Variants in PTPRD observed in about 807,000 individuals in gnomAD.
The protein encoded by PTPRD is receptor-type tyrosine-protein phosphatase delta.
Under a neutral mutation model 214.5 loss-of-function variants are expected in PTPRD, and 34 were observed. That is an observed-to-expected ratio of 0.16 (90% CI 0.12 to 0.21). The LOEUF (loss-of-function observed/expected upper bound fraction) is 0.21. Ranked by LOEUF, PTPRD falls within the 10% of genes least tolerant of loss-of-function variation. The pLI is 1.00. For synonymous variants in PTPRD, 1,128 were observed against 845.7 expected (o/e 1.33, Z -5.79); for missense variants, 2,545 against 2,398.7 (o/e 1.06, Z -1.27).
At chr9:9,978,703 A>G (rs1195866909) in intron 4 of PTPRD, among the ~76,000 whole-genome samples, 2 of 151,668 alleles carry the variant, frequency 1.3e-5, no homozygotes, top group Non-Finnish European at 2.9e-5. Flanking sequence ...AGAATTTTAG[A>G]AAATTAAGGA....
At chr9:9,018,264 T>C (rs2099544688) in intron 11 of PTPRD, among the ~76,000 whole-genome samples, 2 of 152,086 alleles carry the variant, frequency 1.3e-5, no homozygotes, top group African/African-American at 4.8e-5. Context: ...AGGTGGAGTT[T>C]GGGGAAATGA....
intron 40 of PTPRD, 72 bp from the exon 41 acceptor site, chr9:8,341,340 T>C: frequency 7.0e-7 from 1 of 1,434,390 alleles, no homozygotes; most frequent in Non-Finnish European, 9.4e-7. Context: ...GAATGCAGTG[T>C]ACCCCAGATT....
chr9:9,250,268 T>C (rs562842801), intron 9 of PTPRD, among the ~76,000 whole-genome samples: 24 of 152,110 alleles, frequency 1.6e-4, no homozygotes, highest in Non-Finnish European at 2.8e-4. Flanking sequence ...ACCTATGATG[T>C]ACCAGTACTG....
chr9:10,320,160 G>T (rs1010785000), intron 3 of PTPRD, among the ~76,000 whole-genome samples: 4 of 151,848 alleles, frequency 2.6e-5, no homozygotes, highest in Non-Finnish European at 5.9e-5. Context: ...TTTAACAAGG[G>T]ATGTCTAAAC....
intron 11 of PTPRD, chr9:8,936,018 T>C (rs948098143): frequency 2.6e-5 from 4 of 152,186 alleles, no homozygotes; most frequent in Non-Finnish European, 5.9e-5. Flanking sequence ...TGACATTTTT[T>C]CCATCAACCT....
intron 5 of PTPRD, among the ~76,000 whole-genome samples, chr9:9,824,443 C>A (rs1016930568): frequency 6.6e-6 from 1 of 151,950 alleles, no homozygotes; most frequent in Admixed American, 6.6e-5. Context: ...CTACAATTTG[C>A]TTAATGCTTT....
At chr9:9,841,299 C>G (rs2058277263) in intron 5 of PTPRD, among the ~76,000 whole-genome samples, 1 of 152,002 alleles carries the variant, frequency 6.6e-6, no homozygotes, top group Non-Finnish European at 1.5e-5. Context: ...GTGTAATGGG[C>G]TGATGAATCA....
At chr9:8,588,026 T>A (rs2093805696) in intron 14 of PTPRD, among the ~76,000 whole-genome samples, 1 of 152,192 alleles carries the variant, frequency 6.6e-6, no homozygotes. Context: ...TCAGAACACA[T>A]GCAGCTCCCC....
At chr9:10,151,074 T>C (rs1384433636) in intron 3 of PTPRD, among the ~76,000 whole-genome samples, 12 of 147,820 alleles carry the variant, frequency 8.1e-5, no homozygotes, top group Non-Finnish European at 1.5e-4. Flanking sequence ...TTTTTTTTTT[T>C]TTTTGAGACA....
At chr9:9,590,309 A>G (rs2092590659) in intron 7 of PTPRD, among the ~76,000 whole-genome samples, 1 of 152,010 alleles carries the variant, frequency 6.6e-6, no homozygotes, top group Non-Finnish European at 1.5e-5. Context: ...TCCCTTTACT[A>G]ATATATCCAA....
At chr9:9,335,243 T>C (rs191128848) in intron 9 of PTPRD, among the ~76,000 whole-genome samples, 100 of 152,230 alleles carry the variant, frequency 6.6e-4, no homozygotes, top group African/African-American at 2.4e-3. Flanking sequence ...ACATTACCTG[T>C]AGAATTTCAT....
chr9:10,524,826 A>G (rs1267751940), intron 2 of PTPRD, among the ~76,000 whole-genome samples: 1 of 152,010 alleles, frequency 6.6e-6, no homozygotes, highest in Non-Finnish European at 1.5e-5. Flanking sequence ...TCATTTTTAC[A>G]TTGTAAAAGA....
rs1205772679 is a variant in PTPRD at position 10,308,681 on chromosome 9, C to G, written c.-545+32282G>C. 3.3e-5 allele frequency among the ~76,000 whole-genome samples: 5 copies of G among 152,038 alleles called. No homozygotes were observed. In the East Asian group the frequency reaches 7.7e-4, roughly 23 times the overall value. ...AGTCATGTTAACAATATTACATTGT[C>G]TGATTCATTATCATGGGATGTCTTT... On this transcript the variant is annotated intron_variant, in intron 3 of 45. Transcript: ENST00000381196.
intron 42 of PTPRD, among the ~76,000 whole-genome samples, chr9:8,339,380 C>T (rs1850173100): frequency 2.0e-5 from 3 of 152,062 alleles, no homozygotes; most frequent in African/African-American, 7.2e-5. Flanking sequence ...TACATCAGTC[C>T]TTGGACAATG....
intron 8 of PTPRD, among the ~76,000 whole-genome samples, chr9:9,400,520 C>G (rs958540238): frequency 2.0e-5 from 3 of 152,014 alleles, no homozygotes; most frequent in Middle Eastern, 3.4e-3. Flanking sequence ...CTTTATCTAA[C>G]CAAAAAAAAA....
chr9:10,393,731 A>G (rs2098116613), intron 2 of PTPRD, among the ~76,000 whole-genome samples: 1 of 147,204 alleles, frequency 6.8e-6, no homozygotes, highest in Non-Finnish European at 1.5e-5. Context: ...CAAATATATA[A>G]ATACATATAA....
At chr9:10,046,664 T>C (rs1399219183) in intron 3 of PTPRD, among the ~76,000 whole-genome samples, 2 of 151,908 alleles carry the variant, frequency 1.3e-5, no homozygotes, top group African/African-American at 4.8e-5. Context: ...AAAAATACAT[T>C]CAATTAAACA....
intron 3 of PTPRD, among the ~76,000 whole-genome samples, chr9:10,104,888 C>A (rs1292929237): frequency 6.6e-6 from 1 of 151,822 alleles, no homozygotes; most frequent in Non-Finnish European, 1.5e-5. Flanking sequence ...GTGTTTCCTG[C>A]TACATATTCC....
intron 8 of PTPRD, among the ~76,000 whole-genome samples, chr9:9,444,969 C>T (rs572687617): frequency 1.3e-5 from 2 of 152,162 alleles, no homozygotes; most frequent in South Asian, 4.1e-4. Context: ...TTTTCTTGCT[C>T]TATTATGTGT....
Sources: gnomAD v4.1 joint callset for allele counts (sites outside exome capture counted in the v4.1 genomes callset) on GRCh38, gnomAD v4.1.1 for gene constraint, MANE v1.5 for transcripts, NCBI Gene and HGNC (gene_info 2026-07-23, HGNC 2026-07-21) for gene names.